CHD6: variants seen among roughly 807,000 people sequenced by gnomAD.
CHD6 encodes the protein ATP-dependent chromatin remodeler CHD6.
Under a neutral mutation model 276.9 loss-of-function variants are expected in CHD6, and 50 were observed. That is an observed-to-expected ratio of 0.18 (90% CI 0.14 to 0.23). The LOEUF is 0.23. CHD6 is among the 10% of genes least tolerant of loss of function. The pLI is 1.00. For missense variants in CHD6, 2,564 were observed against 3,365.8 expected, an observed-to-expected ratio of 0.76 and a Z score of 5.89; for synonymous variants, 1,173 against 1,229.3, an observed-to-expected ratio of 0.95 and a Z score of 0.96.
At chr20:41,580,299 CA>C (rs1167318699) in intron 1 of CHD6, among the ~76,000 whole-genome samples, 1 of 152,124 alleles carries the variant, frequency 6.6e-6, no homozygotes, top group Non-Finnish European at 1.5e-5. Context: ...TGTACCTTAA[CA>C]ATATTTTCCC....
intron 2 of CHD6, among the ~76,000 whole-genome samples, chr20:41,539,388 G>A (rs1478371091): frequency 6.6e-6 from 1 of 152,120 alleles, no homozygotes; most frequent in Non-Finnish European, 1.5e-5. Flanking sequence ...ATCTTGGTAG[G>A]AATAAAATGG....
At chr20:41,538,451 C>T (rs1330120109) in intron 2 of CHD6, among the ~76,000 whole-genome samples, 1 of 152,180 alleles carries the variant, frequency 6.6e-6, no homozygotes, top group Non-Finnish European at 1.5e-5. Context: ...CAGCCAGACA[C>T]AAAAGGCCAC....
At position 41,445,955 on chromosome 20, in the gene CHD6, A is replaced by G. The variant is rs1026174727; in HGVS notation, c.3774-187T>C. On this transcript the variant is annotated intron_variant, in intron 24 of 36. Transcript: ENST00000373233. Reference sequence around the variant, plus strand: ...GAATCACTTAGGCAGTGATTTAAGCATAAGTACTTGATTTCCAGGCTCTAC... The same window carrying G: ...GAATCACTTAGGCAGTGATTTAAGCGTAAGTACTTGATTTCCAGGCTCTAC... 8.5e-5 allele frequency among the ~76,000 whole-genome samples: 13 copies of G among 152,364 alleles called. 1 individual carries two copies. The highest frequency in any genetic ancestry group is 1.7e-4 in the African/African-American group (7 of 41,594).
intron 1 of CHD6, among the ~76,000 whole-genome samples, chr20:41,555,736 C>T (rs1395188383): frequency 3.3e-5 from 5 of 149,900 alleles, no homozygotes; most frequent in African/African-American, 7.4e-5. Context: ...GATGGGATGG[C>T]GGCCGGGCAG....
chr20:41,453,193 G>A (rs2048290778), intron 20 of CHD6, among the ~76,000 whole-genome samples: 1 of 152,090 alleles, frequency 6.6e-6, no homozygotes, highest in Admixed American at 6.5e-5. Context: ...TGTTTCTGCA[G>A]TCATTCTACC....
intron 30 of CHD6, among the ~76,000 whole-genome samples, chr20:41,422,441 C>A (rs2047224897): frequency 6.6e-6 from 1 of 151,972 alleles, no homozygotes; most frequent in South Asian, 2.1e-4. Flanking sequence ...GAGTTCAAGA[C>A]CAGCCCGGGC....
At chr20:41,523,866 C>T (rs763593536) in intron 3 of CHD6, among the ~76,000 whole-genome samples, 8 of 152,088 alleles carry the variant, frequency 5.3e-5, no homozygotes, top group South Asian at 2.1e-4. Flanking sequence ...GCTCTGTCCC[C>T]GTGGACTCCA....
At chr20:41,472,372 G>A (rs1157555797) in intron 17 of CHD6, among the ~76,000 whole-genome samples, 1 of 152,082 alleles carries the variant, frequency 6.6e-6, no homozygotes. Context: ...GTATCCCCTA[G>A]AGTACCTCTT....
chr20:41,488,700 G>C, intron 12 of CHD6, 96 bp from the exon 13 acceptor site: 2 of 1,023,836 alleles, frequency 2.0e-6, no homozygotes, highest in Non-Finnish European at 2.8e-6. Flanking sequence ...ACAGATGCTG[G>C]GGCCTAGGTG....
intron 1 of CHD6, among the ~76,000 whole-genome samples, chr20:41,607,263 C>CA (rs1358616627): frequency 1.3e-5 from 2 of 152,216 alleles, no homozygotes; most frequent in African/African-American, 4.8e-5. Context: ...GTCTTCCTTT[C>CA]AAAAGCCTTA....
chr20:41,442,396 G>A (rs2047928968), intron 25 of CHD6, among the ~76,000 whole-genome samples: 3 of 152,160 alleles, frequency 2.0e-5, no homozygotes, highest in Admixed American at 2.0e-4. Flanking sequence ...AGGCTACAGT[G>A]AGCTGTGATC....
Position 41,450,988 on chromosome 20 carries a change from T to C in CHD6, c.3641A>G (p.His1214Arg). 1.2e-6 allele frequency: 2 copies of C among 1,614,028 alleles called. No homozygotes were observed. Among genetic ancestry groups the C allele is most frequent in the African/African-American group, 2.7e-5 (2 of 75,064 alleles). The change falls in exon 23 of 37, where the codon CAT becomes CGT. Residue 1214 changes from histidine to arginine, a missense_variant. By Grantham distance (29) the His-to-Arg change is conservative (BLOSUM62 0). This residue lies in a region of CHD6 where 515 missense variants were observed against 739.5 expected (regional missense o/e 0.70). Coordinates refer to ENST00000373233, the MANE Select transcript of CHD6 (RefSeq NM_032221.5). ...GAGGTGTTTCTTATAGCCATCATCA[T>C]GCAAGACCACCTCGGGGTTGCAGGT... ...LATCNPEVVL[H>R]DDGYKKHLKQ...
At chr20:41,428,040 G>A (rs533826054) in intron 27 of CHD6, among the ~76,000 whole-genome samples, 1 of 152,240 alleles carries the variant, frequency 6.6e-6, no homozygotes, top group African/African-American at 2.4e-5. Context: ...CATACCCCAA[G>A]TCCATGACAA....
Position 41,534,478 on chromosome 20 carries a change from T to G in CHD6, c.34-908A>C, listed in dbSNP as rs559375856. The stretch of plus-strand genomic sequence containing the variant: ...AGAGACTGTAACATTCAGCTGCATA[T>G]TCCCCCTTCTGTTTTTCCAGTTTCT... On this transcript the variant is annotated intron_variant, in intron 2 of 36. Coordinates refer to ENST00000373233, the MANE Select transcript of CHD6 (RefSeq NM_032221.5). 2.8e-4 allele frequency among the ~76,000 whole-genome samples: 42 copies of G among 152,122 alleles called. 1 individual carries two copies. The South Asian group carries it at 7.9e-3, about 29-fold the overall frequency.
At chr20:41,541,813 C>T (rs1221358303) in intron 2 of CHD6, among the ~76,000 whole-genome samples, 3 of 152,228 alleles carry the variant, frequency 2.0e-5, no homozygotes, top group Non-Finnish European at 4.4e-5. Context: ...AAATACTTGA[C>T]TCTGTCGTTT....
Position 41,451,857 on chromosome 20 carries a change from A to T in CHD6, c.3492T>A (p.Asp1164Glu). The part of the protein sequence containing the change: ...FIWELITPTK[D>E]GQAQTLQNHS... ...GGTTCTGGAGGGTCTGGGCTTGCCC[A>T]TCTTTGGTAGGTGTGATCAGTTCCC... The change falls in exon 22 of 37, where the codon GAT (aspartate) becomes GAA (glutamate). Residue 1164 changes from aspartate to glutamate, a missense_variant. By Grantham distance (45) the Asp-to-Glu change is conservative. Around this residue, in one of 7 missense-constraint regions of CHD6, gnomAD observed 515 missense variants for 739.5 expected, o/e 0.70. Transcript: ENST00000373233. The T allele has an allele frequency of 6.2e-7, 1 of 1,614,134 alleles. No individual in the cohort carries two copies. Among genetic ancestry groups the T allele is most frequent in the Non-Finnish European group, 8.5e-7 (1 of 1,180,002 alleles).
intron 1 of CHD6, among the ~76,000 whole-genome samples, chr20:41,553,490 A>C (rs1318436348): frequency 6.6e-6 from 1 of 152,150 alleles, no homozygotes; most frequent in African/African-American, 2.4e-5. Context: ...TTCATAAGCA[A>C]CTTCCTCTCC....
intron 5 of CHD6, among the ~76,000 whole-genome samples, chr20:41,509,119 A>T (rs1431525746): frequency 1.3e-5 from 2 of 152,164 alleles, no homozygotes; most frequent in African/African-American, 4.8e-5. Context: ...ATCAGGAGTG[A>T]TCATCAAAAC....
intron 31 of CHD6, 58 bp downstream of exon 31, chr20:41,420,450 C>G: frequency 1.3e-6 from 2 of 1,521,554 alleles, no homozygotes; most frequent in East Asian, 2.3e-5. Context: ...TAAAACCCAA[C>G]CCCCCGTCGT....
Sources: gnomAD v4.1 joint callset for allele counts (sites outside exome capture counted in the v4.1 genomes callset) on GRCh38, gnomAD v4.1.1 for gene constraint, gnomAD v4.1.1 regional missense constraint, MANE v1.5 for transcripts, NCBI Gene and HGNC (gene_info 2026-07-23, HGNC 2026-07-21) for gene names.